KCTD8: variants seen among roughly 807,000 people sequenced by gnomAD.
KCTD8 encodes the protein potassium channel tetramerization domain containing 8.
In KCTD8, 27 loss-of-function variants were observed where a neutral mutation model predicts 31.5. The observed-to-expected ratio is 0.86, with a 90% CI of 0.63 to 1.18. KCTD8 has a LOEUF of 1.18. Among genes scored for constraint, KCTD8 ranks in the 50% most tolerant of loss-of-function variants. The probability of loss-of-function intolerance (pLI) is 0.00; values close to 1 mark genes in which losing one functional copy is unlikely to be tolerated. For synonymous variants in KCTD8, 290 were observed against 280.0 expected (o/e 1.04, Z -0.36); for missense variants, 658 against 647.7 (o/e 1.02, Z -0.17).
At chr4:44,360,878 A>G (rs1719476213) in intron 1 of KCTD8, among the ~76,000 whole-genome samples, 1 of 151,872 alleles carries the variant, frequency 6.6e-6, no homozygotes. Flanking sequence ...TTCTTTCCTC[A>G]TGGCTTTTTT....
chr4:44,257,001 C>T (rs375716656), intron 1 of KCTD8, among the ~76,000 whole-genome samples: 7 of 151,728 alleles, frequency 4.6e-5, no homozygotes, highest in African/African-American at 7.2e-5. Flanking sequence ...GAAAGAGGTT[C>T]GATGTAAAAA....
chr4:44,182,051 G>T (rs1713430502), intron 1 of KCTD8, among the ~76,000 whole-genome samples: 1 of 151,374 alleles, frequency 6.6e-6, no homozygotes, highest in Non-Finnish European at 1.5e-5. Context: ...GAGCCCCTCT[G>T]CCTGGCAGCC....
At chr4:44,288,768 CA>C (rs1328766928) in intron 1 of KCTD8, among the ~76,000 whole-genome samples, 1 of 151,932 alleles carries the variant, frequency 6.6e-6, no homozygotes, top group Non-Finnish European at 1.5e-5. Flanking sequence ...ATCCCATTTT[CA>C]AAATTAATTT....
intron 1 of KCTD8, among the ~76,000 whole-genome samples, chr4:44,300,355 T>A (rs1223609251): frequency 6.6e-6 from 1 of 152,182 alleles, no homozygotes; most frequent in African/African-American, 2.4e-5. Context: ...AAAGGTTATA[T>A]TCATGTACAT....
At chr4:44,388,587 A>C (rs1451959720) in intron 1 of KCTD8, among the ~76,000 whole-genome samples, 1 of 151,946 alleles carries the variant, frequency 6.6e-6, no homozygotes, top group East Asian at 1.9e-4. Context: ...CATTATCCTT[A>C]GCAAACTACA....
At chr4:44,227,023 T>A (rs1714983212) in intron 1 of KCTD8, among the ~76,000 whole-genome samples, 2 of 152,240 alleles carry the variant, frequency 1.3e-5, no homozygotes, top group African/African-American at 4.8e-5. Flanking sequence ...TCATTTGCTG[T>A]GCAGAAGCTC....
At chr4:44,443,662 T>C (rs981760035) in intron 1 of KCTD8, among the ~76,000 whole-genome samples, 2 of 152,160 alleles carry the variant, frequency 1.3e-5, no homozygotes, top group African/African-American at 2.4e-5. Context: ...AAGGTGTACA[T>C]TCACACACAT....
At chr4:44,371,396 A>G (rs1051519701) in intron 1 of KCTD8, among the ~76,000 whole-genome samples, 1 of 152,214 alleles carries the variant, frequency 6.6e-6, no homozygotes, top group African/African-American at 2.4e-5. Flanking sequence ...TTTATCTTTG[A>G]AAAAAGTCAC....
chr4:44,218,505 C>A (rs922017616), intron 1 of KCTD8, among the ~76,000 whole-genome samples: 8 of 150,992 alleles, frequency 5.3e-5, no homozygotes, highest in African/African-American at 1.9e-4. Flanking sequence ...ATACCCCATA[C>A]TCCGTGATGT....
intron 1 of KCTD8, among the ~76,000 whole-genome samples, chr4:44,253,533 T>C (rs1329545888): frequency 6.6e-6 from 1 of 151,800 alleles, no homozygotes; most frequent in African/African-American, 2.4e-5. Flanking sequence ...GTTCTAGCCC[T>C]AGCCTTTAAG....
At position 44,432,647 on chromosome 4, in the gene KCTD8, T is replaced by C. The variant is rs72624153; in HGVS notation, c.961+14916A>G. 8.0e-4 allele frequency among the ~76,000 whole-genome samples: 121 copies of C among 151,798 alleles called. 1 individual carries two copies. In the East Asian group the frequency reaches 0.022, roughly 28 times the overall value. On this transcript the variant is annotated intron_variant, in intron 1 of 1. Transcript: ENST00000360029. Reference sequence around the variant, plus strand: ...CGCTTTTATCAGCATTAACTAGCTCTGATCTGTTCTTCATAACACCCACAC... The same window carrying C: ...CGCTTTTATCAGCATTAACTAGCTCCGATCTGTTCTTCATAACACCCACAC...
chr4:44,373,966 C>T (rs1280695616), intron 1 of KCTD8, among the ~76,000 whole-genome samples: 1 of 152,156 alleles, frequency 6.6e-6, no homozygotes, highest in East Asian at 1.9e-4. Context: ...ACATATAAAT[C>T]TGTTTTTTTC....
intron 1 of KCTD8, among the ~76,000 whole-genome samples, chr4:44,334,724 G>T (rs1336728869): frequency 6.6e-6 from 1 of 151,966 alleles, no homozygotes; most frequent in Non-Finnish European, 1.5e-5. Flanking sequence ...ACATAATCTG[G>T]TCACAAAGGA....
intron 1 of KCTD8, among the ~76,000 whole-genome samples, chr4:44,352,693 T>C (rs1284584662): frequency 6.6e-6 from 1 of 151,730 alleles, no homozygotes; most frequent in Non-Finnish European, 1.5e-5. Context: ...AATCTAAAGG[T>C]AGATATTCAT....
At chr4:44,272,192 CA>C (rs796295692) in intron 1 of KCTD8, among the ~76,000 whole-genome samples, 111 of 150,226 alleles carry the variant, frequency 7.4e-4, no homozygotes, top group African/African-American at 2.5e-3. Context: ...CAAGTATTGT[CA>C]ATTTAATAAG....
chr4:44,381,056 A>G (rs1720051182), intron 1 of KCTD8, among the ~76,000 whole-genome samples: 1 of 152,060 alleles, frequency 6.6e-6, no homozygotes, highest in Non-Finnish European at 1.5e-5. Flanking sequence ...CACTTTTAAT[A>G]GCCCCATTAG....
intron 1 of KCTD8, among the ~76,000 whole-genome samples, chr4:44,426,819 T>A (rs1721361672): frequency 6.6e-6 from 1 of 151,644 alleles, no homozygotes; most frequent in African/African-American, 2.4e-5. Flanking sequence ...AAGAAACAAA[T>A]CTAGTTTCCA....
At chr4:44,350,586 C>T (rs1719170583) in intron 1 of KCTD8, among the ~76,000 whole-genome samples, 2 of 152,054 alleles carry the variant, frequency 1.3e-5, no homozygotes, top group Non-Finnish European at 2.9e-5. Flanking sequence ...AATATGCAAG[C>T]TAACAACTCC....
intron 1 of KCTD8, among the ~76,000 whole-genome samples, chr4:44,256,737 T>G (rs1048899032): frequency 7.2e-5 from 11 of 151,898 alleles, no homozygotes; most frequent in Admixed American, 5.3e-4. Context: ...GAGATCAGAA[T>G]GCTTTGAGTA....
Sources: gnomAD v4.1 joint callset for allele counts (sites outside exome capture counted in the v4.1 genomes callset) on GRCh38, gnomAD v4.1.1 for gene constraint, MANE v1.5 for transcripts, NCBI Gene and HGNC (gene_info 2026-07-23, HGNC 2026-07-21) for gene names.